ARMC3: variants seen among roughly 807,000 people sequenced by gnomAD.
ARMC3 encodes the protein armadillo repeat-containing protein 3.
ARMC3 carries 74 observed loss-of-function variants against 90.3 expected under a neutral mutation model. The ratio of observed to expected loss-of-function variants is 0.82; its 90% CI spans 0.68 to 0.99. ARMC3 has a LOEUF of 0.99. ARMC3 is among the 50% of genes least tolerant of loss of function. The pLI, the probability that ARMC3 is intolerant of heterozygous loss-of-function variation, is 0.00. For synonymous variants in ARMC3, 334 were observed against 361.8 expected, an observed-to-expected ratio of 0.92 and a Z score of 0.87; for missense variants, 958 against 1,042.8, an observed-to-expected ratio of 0.92 and a Z score of 1.12.
At chr10:22,958,329 C>T (rs1835038356) in intron 4 of ARMC3, among the ~76,000 whole-genome samples, 1 of 152,094 alleles carries the variant, frequency 6.6e-6, no homozygotes, top group African/African-American at 2.4e-5. Flanking sequence ...TGAATGTAAG[C>T]AATCAAGATG....
At chr10:22,938,631 G>A (rs1834205153) in intron 2 of ARMC3, among the ~76,000 whole-genome samples, 1 of 152,264 alleles carries the variant, frequency 6.6e-6, no homozygotes, top group Admixed American at 6.5e-5. Flanking sequence ...AGGATGTGCT[G>A]ATGGGTAGGA....
rs757343071 is a variant in ARMC3, at chr10:22,981,677, CA to C, written c.1153del (p.Thr385LeufsTer19). On this transcript the variant is annotated frameshift_variant, in exon 10 of 19. Transcript: ENST00000298032. LOFTEE classifies it high-confidence loss of function. Reference sequence around the variant, plus strand: ...CAGCTCTAGCCCTGGCAAACCTAACCACTTGCAACCCTGCTAATGCAAAGTA... The same window carrying C: ...CAGCTCTAGCCCTGGCAAACCTAACCCTTGCAACCCTGCTAATGCAAAGTA... ...AAALALANLT[T>X]CNPANANAAA... 4 of 1,613,928 alleles carry C rather than the reference CA, an allele frequency of 2.5e-6. No homozygotes were observed. Among genetic ancestry groups the C allele is most frequent in the Middle Eastern group, 1.6e-4 (1 of 6,062 alleles).
chr10:22,959,353 A>G (rs2131249796), intron 5 of ARMC3, 46 bp from the exon 6 acceptor site: 4 of 1,537,044 alleles, frequency 2.6e-6, no homozygotes, highest in Middle Eastern at 4.2e-4. Context: ...TAGTGGCTGA[A>G]TAATAAGCAG....
chr10:22,985,934 C>T (rs1437899077), intron 10 of ARMC3, among the ~76,000 whole-genome samples: 1 of 152,108 alleles, frequency 6.6e-6, no homozygotes, highest in African/African-American at 2.4e-5. Context: ...GTCACCTTGG[C>T]GAAGCTACTT....
chr10:23,014,115 A>T (rs1272188463), intron 16 of ARMC3: 1 of 1,550,188 alleles, frequency 6.5e-7, no homozygotes, highest in Non-Finnish European at 8.7e-7. Context: ...TCCCCACTTC[A>T]AGATAAACCC....
chr10:22,952,834 A>G (rs1405589430), intron 3 of ARMC3, among the ~76,000 whole-genome samples: 4 of 152,260 alleles, frequency 2.6e-5, no homozygotes, highest in Non-Finnish European at 5.9e-5. Flanking sequence ...CATCATGACT[A>G]AATGACTTAT....
chr10:22,955,898 T>C lies in ARMC3; in HGVS notation c.258T>C (p.Asn86=). 6.2e-7 allele frequency: 1 copy of C among 1,610,292 alleles called. No individual in the cohort carries two copies. Among genetic ancestry groups the C allele is most frequent in the Non-Finnish European group, 8.5e-7 (1 of 1,176,576 alleles). Reference sequence around the variant, plus strand: ...ATGAAGACAAAATTGTAAGAAGAAATGCTACTATGATATTTGGAATCCTGG... The same window carrying C: ...ATGAAGACAAAATTGTAAGAAGAAACGCTACTATGATATTTGGAATCCTGG... ...LTHEDKIVRR[N]ATMIFGILAS... The change falls in exon 4 of 19, where the codon AAT becomes AAC. Residue 86 remains asparagine, a synonymous_variant. Transcript: ENST00000298032.
chr10:23,029,393 C>G (rs1838831909), intron 16 of ARMC3, among the ~76,000 whole-genome samples: 1 of 152,168 alleles, frequency 6.6e-6, no homozygotes, highest in Admixed American at 6.5e-5. Flanking sequence ...TGCATGCATC[C>G]TGTCCAGCTT....
At chr10:22,957,367 A>G (rs1388285075) in intron 4 of ARMC3, among the ~76,000 whole-genome samples, 2 of 152,242 alleles carry the variant, frequency 1.3e-5, no homozygotes, top group South Asian at 4.2e-4. Flanking sequence ...CAGAGACTGC[A>G]CTTGCGGGCA....
chr10:23,021,749 A>G (rs536427529), intron 16 of ARMC3, among the ~76,000 whole-genome samples: 3 of 152,230 alleles, frequency 2.0e-5, no homozygotes, highest in East Asian at 1.9e-4. Flanking sequence ...ATAGTTTGTG[A>G]ATACTTTTCC....
intron 2 of ARMC3, 79 bp downstream of exon 2, chr10:22,932,123 C>G: frequency 1.6e-6 from 2 of 1,274,996 alleles, no homozygotes; most frequent in Admixed American, 2.3e-5. Flanking sequence ...TTGGCATGTA[C>G]CAGTATATAC....
At chr10:22,974,637 T>TG (rs1038902085) in intron 8 of ARMC3, among the ~76,000 whole-genome samples, 2 of 148,698 alleles carry the variant, frequency 1.3e-5, no homozygotes, top group Non-Finnish European at 3.0e-5. Flanking sequence ...TCTGTTTTTT[T>TG]TTGTTTGTTT....
At chr10:22,956,819 T>C in intron 4 of ARMC3, among the ~76,000 whole-genome samples, 1 of 148,542 alleles carries the variant, frequency 6.7e-6, no homozygotes, top group East Asian at 1.9e-4. Flanking sequence ...TTATATATTA[T>C]ATATTAAATA....
Position 23,003,332 on chromosome 10 carries a change from AC to A in ARMC3, c.1650del (p.Asn550LysfsTer5). 1.9e-6 allele frequency: 3 copies of A among 1,613,750 alleles called. No homozygotes were observed. The highest frequency in any genetic ancestry group is 2.5e-6 in the Non-Finnish European group (3 of 1,179,822). On this transcript the variant is annotated frameshift_variant, in exon 13 of 19. Transcript: ENST00000298032. LOFTEE classifies it high-confidence loss of function. ...SEAAYNKLLN[N>X]NLSLKYSQTG... is the part of the protein sequence containing the mutation. ...GCAGCTTATAATAAGTTGCTCAATAACAATCTTTCCCTGAAATACAGCCAGA... is the reference window on the plus strand; with the variant it reads ...GCAGCTTATAATAAGTTGCTCAATAAAATCTTTCCCTGAAATACAGCCAGA...
intron 3 of ARMC3, among the ~76,000 whole-genome samples, chr10:22,949,162 C>T (rs1055921205): frequency 1.4e-4 from 22 of 152,142 alleles, no homozygotes; most frequent in African/African-American, 5.3e-4. Flanking sequence ...CAAGTTGTTT[C>T]CAAGTAACTT....
At chr10:22,961,756 G>C in intron 6 of ARMC3, 128 bp from the exon 7 acceptor site, 1 of 719,550 alleles carries the variant, frequency 1.4e-6, no homozygotes, top group South Asian at 2.2e-5. Context: ...GAGTTATTTT[G>C]GAAGGGAATC....
intron 10 of ARMC3, among the ~76,000 whole-genome samples, chr10:22,983,955 T>C (rs1004823654): frequency 9.8e-5 from 15 of 152,324 alleles, no homozygotes; most frequent in African/African-American, 3.6e-4. Context: ...TTAGTAGCGG[T>C]CCATTCAATC....
intron 7 of ARMC3, among the ~76,000 whole-genome samples, chr10:22,963,719 G>A (rs768998775): frequency 7.3e-5 from 11 of 151,424 alleles, no homozygotes; most frequent in Non-Finnish European, 1.5e-4. Context: ...GTGAAACCCC[G>A]TCTCTACTAA....
chr10:22,998,249 C>T lies in ARMC3; in HGVS notation c.1277C>T (p.Ala426Val), dbSNP rs370012088. The change falls in exon 11 of 19, where the codon GCC becomes GTC. Residue 426 changes from alanine to valine, a missense_variant. Transcript: ENST00000298032. ...ANAATVLTNM[A>V]MQEPLRLNIQ... ...GCTGCTACAGTATTAACAAACATGG[C>T]CATGCAGGAGCCCCTGCGCCTGAAC... 125 of 1,612,406 alleles carry T rather than the reference C, an allele frequency of 7.8e-5. No individual in the cohort carries two copies. Among genetic ancestry groups the T allele is most frequent in the Non-Finnish European group, 1.0e-4 (123 of 1,179,190 alleles).
Sources: allele counts gnomAD v4.1 joint callset (sites outside exome capture counted in the v4.1 genomes callset), GRCh38; gene constraint gnomAD v4.1.1; transcripts MANE v1.5; gene names NCBI Gene and HGNC (gene_info 2026-07-23, HGNC 2026-07-21).